SPG7: variants seen among roughly 807,000 people sequenced by gnomAD.
SPG7 encodes the protein mitochondrial inner membrane m-AAA protease component paraplegin.
In SPG7, 103 loss-of-function variants were observed where a neutral mutation model predicts 81.9. The ratio of observed to expected loss-of-function variants is 1.26; its 90% CI spans 1.07 to 1.48. The LOEUF (loss-of-function observed/expected upper bound fraction) is 1.48. Ranked by LOEUF, SPG7 falls within the 40% of genes most tolerant of loss-of-function variation. The pLI, the probability that SPG7 is intolerant of heterozygous loss-of-function variation, is 0.00. For synonymous variants in SPG7, 534 were observed against 444.2 expected (o/e 1.20, Z -2.54); for missense variants, 1,241 against 1,087.3 (o/e 1.14, Z -1.99).
At position 89,521,879 on chromosome 16, in the gene SPG7, G is replaced by T. The variant is rs982740482; in HGVS notation, c.377-2127G>T. 9 of 152,236 alleles carry T rather than the reference G, an allele frequency of 5.9e-5. 1 individual carries two copies. The highest frequency in any genetic ancestry group is 2.6e-4 in the Admixed American group (4 of 15,282). The allele number at this position is 152,236 out of a possible 1,614,324, so 9.4% of individuals were successfully genotyped here. A position where few individuals can be genotyped will look rare whatever the true frequency, so the allele number is the denominator to read the frequency against. On this transcript the variant is annotated intron_variant, in intron 3 of 16. Coordinates refer to ENST00000645818, the MANE Select transcript of SPG7 (RefSeq NM_003119.4). The stretch of plus-strand genomic sequence containing the variant: ...CTGGATCGTCCCTCCAGGGCAGCTA[G>T]AGTAGCTGCTGGGAAGTATTTCTCT...
chr16:89,537,917 A>C (rs980121710), intron 9 of SPG7: 11 of 331,930 alleles, frequency 3.3e-5, no homozygotes, highest in Non-Finnish European at 4.3e-5. Context: ...CCAGGTGGGT[A>C]GATGGGCGCT....
Position 89,544,824 on chromosome 16 carries a change from GCT to G in SPG7, c.1449+55_1449+56del, listed in dbSNP as rs1567926543. ...CACTCCACCTGGGCCGCCCCCACTC[GCT>G]CTGAGTGGTCTGGCCTCTCCTCTAA... On this transcript the variant is annotated intron_variant, in intron 10 of 16. Coordinates refer to ENST00000645818, the MANE Select transcript of SPG7 (RefSeq NM_003119.4). 3.1e-6 allele frequency: 5 copies of G among 1,604,400 alleles called. No individual in the cohort carries two copies. In the South Asian group the frequency reaches 5.5e-5, roughly 18 times the overall value.
chr16:89,535,645 T>G (rs2058403918), intron 9 of SPG7, among the ~76,000 whole-genome samples: 1 of 152,206 alleles, frequency 6.6e-6, no homozygotes, highest in African/African-American at 2.4e-5. Flanking sequence ...CTGTGATGTC[T>G]GAGGTGTCAC....
intron 9 of SPG7, chr16:89,537,505 A>ATTC: frequency 1.0e-6 from 1 of 994,498 alleles, no homozygotes; most frequent in Admixed American, 5.7e-5. Flanking sequence ...CACACACAGA[A>ATTC]AAGGCTGCTG....
In SPG7 at chr16:89,532,008, G is replaced by A. The variant is rs771190749; in HGVS notation, c.1092G>A (p.Thr364=). Residue 364 remains threonine, a synonymous_variant, in exon 8 of 17, where the codon ACG becomes ACA. Transcript: ENST00000645818. ...CGCTGCTGGCCAAGGCGGTGGCCAC[G>A]GAGGCTCAGGTGCCCTTCCTGGCGA... The part of the protein sequence containing the change: ...GKTLLAKAVA[T]EAQVPFLAMA... The A allele has an allele frequency of 1.2e-5, 19 of 1,613,734 alleles. No homozygotes were observed. The highest frequency in any genetic ancestry group is 6.7e-5 in the Admixed American group (4 of 60,004).
chr16:89,556,855 G>A (rs1463096976), intron 16 of SPG7, 32 bp from the exon 17 acceptor site: 1 of 1,532,774 alleles, frequency 6.5e-7, no homozygotes, highest in Non-Finnish European at 9.0e-7. Flanking sequence ...CTGCCCTGGG[G>A]ACTCACACAC....
rs919172503 is a variant in SPG7, at chr16:89,532,809, C to T, written c.1324+173C>T. 3.0e-5 allele frequency: 23 copies of T among 775,848 alleles called. 1 individual carries two copies. Among genetic ancestry groups the T allele is most frequent in the African/African-American group, 1.9e-4 (11 of 57,608 alleles). The allele number at this position is 775,848 out of a possible 1,614,324, so 48.1% of individuals were successfully genotyped here. A position where few individuals can be genotyped will look rare whatever the true frequency, so the allele number is the denominator to read the frequency against. ...ATAGAAATGTAGCTTTCAGACCCGG[C>T]GCAGTGGCTCACGCCTGTAATCCCA... On this transcript the variant is annotated intron_variant, in intron 9 of 16. Transcript: ENST00000645818.
chr16:89,536,071 GCT>G (rs2058410874), intron 9 of SPG7, among the ~76,000 whole-genome samples: 2 of 74,998 alleles, frequency 2.7e-5, no homozygotes, highest in African/African-American at 5.9e-5. Flanking sequence ...CAGTGTGGCC[GCT>G]CTGGTGCTGT....
chr16:89,534,515 T>C (rs187946417), intron 9 of SPG7, among the ~76,000 whole-genome samples: 33 of 152,344 alleles, frequency 2.2e-4, no homozygotes, highest in African/African-American at 7.9e-4. Flanking sequence ...ACATTTTAGG[T>C]ATTGTAGATG....
At chr16:89,509,426 T>A (rs1275245591) in intron 1 of SPG7, among the ~76,000 whole-genome samples, 1 of 152,240 alleles carries the variant, frequency 6.6e-6, no homozygotes, top group East Asian at 1.9e-4. Context: ...AATTTTTGTA[T>A]TTTTAGTAGA....
chr16:89,508,629 C>A, intron 1 of SPG7, 29 bp downstream of exon 1: 1 of 1,431,888 alleles, frequency 7.0e-7, no homozygotes, highest in Non-Finnish European at 9.1e-7. Context: ...CGGGCCCCAC[C>A]TCCCGCCCGG....
At chr16:89,547,573 G>A in intron 11 of SPG7, 1 of 271,444 alleles carries the variant, frequency 3.7e-6, no homozygotes, top group Non-Finnish European at 7.2e-6. Flanking sequence ...CAGCACTCTT[G>A]GTTCTTGGTC....
rs1567928509 is a variant in SPG7, at chr16:89,546,761, G to GT, written c.1552+2dup. The GT allele has an allele frequency of 1.2e-6, 2 of 1,603,830 alleles. No homozygotes were observed. Among genetic ancestry groups the GT allele is most frequent in the Non-Finnish European group, 1.7e-6 (2 of 1,170,772 alleles). On this transcript the variant is annotated splice_donor_variant, in intron 11 of 16. Transcript: ENST00000645818. LOFTEE classifies it high-confidence loss of function. The stretch of plus-strand genomic sequence containing the variant: ...GCAGAGCTGACACCAGGATTCAGTG[G>GT]TACGTTCTCAACCCGCAGCCTGGGC...
chr16:89,523,925 C>T (rs1432653118), intron 3 of SPG7, 81 bp from the exon 4 acceptor site: 3 of 1,581,038 alleles, frequency 1.9e-6, no homozygotes, highest in Non-Finnish European at 2.6e-6. Flanking sequence ...TCCAGCTGAG[C>T]TTTCCTGAGG....
intron 3 of SPG7, chr16:89,518,207 G>A (rs989340356): frequency 6.6e-6 from 1 of 152,206 alleles, no homozygotes; most frequent in Non-Finnish European, 1.5e-5. Flanking sequence ...CTGTTCAGAT[G>A]AAGATTCTTT....
Position 89,554,255 on chromosome 16 carries a change from C to T in SPG7, c.2104-231C>T, listed in dbSNP as rs550196385. Among the ~76,000 whole-genome samples, 424 of 129,942 alleles carry T rather than the reference C, an allele frequency of 3.3e-3. 2 individuals carry two copies. The highest frequency in any genetic ancestry group is 0.012 in the African/African-American group (404 of 34,896). The allele number at this position is 129,942 out of a possible 152,430, so 85.2% of individuals were successfully genotyped here. On this transcript the variant is annotated intron_variant, in intron 15 of 16. Transcript: ENST00000645818. ...TCCTTCAGACTGGGCCAGGAAGGGCCGATGTGTGCCTGTGAGGCAGCTGTG... is the reference window on the plus strand; with the variant it reads ...TCCTTCAGACTGGGCCAGGAAGGGCTGATGTGTGCCTGTGAGGCAGCTGTG...
intron 8 of SPG7, 87 bp downstream of exon 8, chr16:89,532,153 A>G (rs2058352399): frequency 7.9e-7 from 1 of 1,265,974 alleles, no homozygotes; most frequent in Non-Finnish European, 1.1e-6. Flanking sequence ...CTGGACTGAA[A>G]GGGACACGGG....
rs1567929727 is a variant in SPG7 at position 89,548,120 on chromosome 16, G to A, written c.1663+7G>A. 1 of 1,592,276 alleles carries A rather than the reference G, an allele frequency of 6.3e-7. No individual in the cohort carries two copies. The highest frequency in any genetic ancestry group is 8.5e-7 in the Non-Finnish European group (1 of 1,169,858). On this transcript the variant is annotated splice_region_variant and intron_variant, in intron 12 of 16. Transcript: ENST00000645818. ...GTGGAGCGCGTCCTCGCAGGTACAG[G>A]GGGCGCGCCCTGGGTGAAGGCCCTC...
At chr16:89,544,239 A>T (rs1597653372) in intron 9 of SPG7, 1 of 302,374 alleles carries the variant, frequency 3.3e-6, no homozygotes, top group East Asian at 8.4e-5. Flanking sequence ...GACGTTGAAG[A>T]TAAAATGTTT....
Sources: allele counts gnomAD v4.1 joint callset (sites outside exome capture counted in the v4.1 genomes callset), GRCh38; gene constraint gnomAD v4.1.1; transcripts MANE v1.5; gene names NCBI Gene and HGNC (gene_info 2026-07-23, HGNC 2026-07-21).